BABAM2: variants seen among roughly 807,000 people sequenced by gnomAD.
The protein encoded by BABAM2 is BRISC and BRCA1-A complex member 2.
BABAM2 carries 31 observed loss-of-function variants against 54.7 expected under a neutral mutation model. The observed-to-expected ratio is 0.57, with a 90% CI of 0.43 to 0.77. The LOEUF is 0.77. Ranked by LOEUF, BABAM2 falls within the 30% of genes least tolerant of loss-of-function variation. BABAM2 has a pLI of 0.00. For synonymous variants in BABAM2, 167 were observed against 162.9 expected (o/e 1.03, Z -0.19); for missense variants, 364 against 455.8 (o/e 0.80, Z 1.83).
chr2:28,021,429 A>C (rs1675259932), intron 4 of BABAM2, among the ~76,000 whole-genome samples: 1 of 152,170 alleles, frequency 6.6e-6, no homozygotes, highest in Admixed American at 6.5e-5. Context: ...CTCATAATAT[A>C]GGCTGGAGGG....
intron 11 of BABAM2, among the ~76,000 whole-genome samples, chr2:28,319,649 G>T (rs7572380): frequency 6.6e-6 from 1 of 152,218 alleles, no homozygotes; most frequent in African/African-American, 2.4e-5. Flanking sequence ...AAGTGTGGCT[G>T]GTGTCAGGGC....
At chr2:28,244,912 T>C in intron 10 of BABAM2, 50 bp downstream of exon 10, 1 of 1,497,572 alleles carries the variant, frequency 6.7e-7, no homozygotes, top group Non-Finnish European at 9.3e-7. Context: ...TTAAATGTCC[T>C]AAACCACATG....
intron 10 of BABAM2, among the ~76,000 whole-genome samples, chr2:28,279,941 TA>T (rs1356287649): frequency 2.0e-5 from 3 of 152,174 alleles, no homozygotes; most frequent in African/African-American, 7.2e-5. Context: ...GTGCTGGGAT[TA>T]CAGGCATGAG....
intron 10 of BABAM2, among the ~76,000 whole-genome samples, chr2:28,267,446 C>T (rs1362238892): frequency 2.1e-5 from 3 of 143,520 alleles, no homozygotes; most frequent in South Asian, 4.6e-4. Flanking sequence ...CATACACACA[C>T]ACACACACAC....
At chr2:27,958,042 A>C (rs1043486537) in intron 3 of BABAM2, among the ~76,000 whole-genome samples, 1 of 152,156 alleles carries the variant, frequency 6.6e-6, no homozygotes, top group Non-Finnish European at 1.5e-5. Flanking sequence ...AATGTCAGTG[A>C]AATTGTGTTC....
intron 6 of BABAM2, among the ~76,000 whole-genome samples, chr2:28,110,110 T>C (rs1667869938): frequency 6.6e-6 from 1 of 152,200 alleles, no homozygotes; most frequent in African/African-American, 2.4e-5. Flanking sequence ...ATAAGTGGAA[T>C]TGTGCAGTAC....
chr2:28,293,823 G>C (rs1419994548), intron 10 of BABAM2, among the ~76,000 whole-genome samples: 3 of 151,980 alleles, frequency 2.0e-5, no homozygotes, highest in Admixed American at 2.0e-4. Flanking sequence ...TTTGAGACCA[G>C]CCTGGACAAC....
chr2:28,283,352 A>G (rs1686540803), intron 10 of BABAM2, among the ~76,000 whole-genome samples: 2 of 152,188 alleles, frequency 1.3e-5, no homozygotes, highest in Non-Finnish European at 2.9e-5. Context: ...CTGTTATGAC[A>G]AGACTCAGAG....
At chr2:28,125,306 T>A (rs1016063902) in intron 6 of BABAM2, among the ~76,000 whole-genome samples, 2 of 152,106 alleles carry the variant, frequency 1.3e-5, no homozygotes, top group African/African-American at 4.8e-5. Flanking sequence ...TATTATTATT[T>A]TTTTTGAGAC....
chr2:28,290,609 A>C (rs1450107700), intron 10 of BABAM2, among the ~76,000 whole-genome samples: 1 of 152,362 alleles, frequency 6.6e-6, no homozygotes, highest in Non-Finnish European at 1.5e-5. Context: ...AAATACTAAA[A>C]TAACTAATTC....
At chr2:28,327,178 G>T (rs1690539765) in intron 11 of BABAM2, 22 of 1,321,802 alleles carry the variant, frequency 1.7e-5, no homozygotes, top group Non-Finnish European at 2.0e-5. Flanking sequence ...CCCATGGCCG[G>T]TGGAGGCTCA....
chr2:28,018,583 T>A (rs1312285552), intron 4 of BABAM2, among the ~76,000 whole-genome samples: 1 of 152,246 alleles, frequency 6.6e-6, no homozygotes, highest in Non-Finnish European at 1.5e-5. Context: ...ATCTCCACAC[T>A]GTTTTGCATA....
rs527325935 is a variant in BABAM2 at position 28,154,506 on chromosome 2, T to C, written c.680+25126T>C. ...TGAAAACAGCCACATTTGGTTACTT[T>C]AATTAATGCCTTTAATAAGTAGAGG... On this transcript the variant is annotated intron_variant, in intron 7 of 11. Transcript: ENST00000379624. Among the ~76,000 whole-genome samples the C allele has an allele frequency of 4.6e-5, 7 of 152,350 alleles. No homozygotes were observed. The South Asian group carries it at 8.3e-4, about 18-fold the overall frequency.
At chr2:28,165,789 G>C (rs1008656924) in intron 7 of BABAM2, among the ~76,000 whole-genome samples, 2 of 152,042 alleles carry the variant, frequency 1.3e-5, no homozygotes, top group Non-Finnish European at 2.9e-5. Context: ...ACCCACCTCA[G>C]CCTCCCATAA....
chr2:27,990,329 C>G lies in BABAM2; in HGVS notation c.300+2242C>G, dbSNP rs1223500992. Among the ~76,000 whole-genome samples, 38 of 152,210 alleles carry G rather than the reference C, an allele frequency of 2.5e-4. 1 individual carries two copies. Among genetic ancestry groups the G allele is most frequent in the Admixed American group, 2.4e-3 (37 of 15,274 alleles). The stretch of plus-strand genomic sequence containing the variant: ...GGCCTGATCCCCAGCAGACATTTCT[C>G]TGAGTGTAGCTTGTCTCTGAAAGAT... On this transcript the variant is annotated intron_variant, in intron 4 of 11. Coordinates refer to ENST00000379624, the MANE Select transcript of BABAM2 (RefSeq NM_199191.3).
At chr2:28,126,708 G>A (rs1170576388) in intron 6 of BABAM2, among the ~76,000 whole-genome samples, 1 of 130,210 alleles carries the variant, frequency 7.7e-6, no homozygotes, top group Admixed American at 8.2e-5. Flanking sequence ...AGATCCCTGA[G>A]GAATCGCCAC....
chr2:28,313,087 G>A (rs768315681), intron 11 of BABAM2, among the ~76,000 whole-genome samples: 3 of 152,198 alleles, frequency 2.0e-5, no homozygotes, highest in Non-Finnish European at 2.9e-5. Flanking sequence ...CCACCTACCC[G>A]TGGAGTGGCC....
chr2:27,968,431 C>T (rs894570941), intron 3 of BABAM2, among the ~76,000 whole-genome samples: 1 of 152,190 alleles, frequency 6.6e-6, no homozygotes, highest in African/African-American at 2.4e-5. Flanking sequence ...TGCCTGGATG[C>T]CCAGGCAGAA....
At chr2:28,129,520 G>A in intron 7 of BABAM2, 140 bp downstream of exon 7, 1 of 769,242 alleles carries the variant, frequency 1.3e-6, no homozygotes, top group Non-Finnish European at 2.1e-6. Flanking sequence ...ATCATATTAA[G>A]AGTTTCCATT....
Sources: allele counts gnomAD v4.1 joint callset (sites outside exome capture counted in the v4.1 genomes callset), GRCh38; gene constraint gnomAD v4.1.1; transcripts MANE v1.5; gene names NCBI Gene and HGNC (gene_info 2026-07-23, HGNC 2026-07-21).